Variants in ATF6B observed in about 807,000 individuals in gnomAD.
The protein encoded by ATF6B is activating transcription factor 6 beta.
Under a neutral mutation model 83.5 loss-of-function variants are expected in ATF6B, and 50 were observed. That is an observed-to-expected ratio of 0.60 (90% CI 0.48 to 0.76). ATF6B has a LOEUF of 0.76. ATF6B is among the 30% of genes least tolerant of loss of function. The pLI is 0.00. For synonymous variants in ATF6B, 344 were observed against 362.8 expected, an observed-to-expected ratio of 0.95 and a Z score of 0.59; for missense variants, 790 against 893.8, an observed-to-expected ratio of 0.88 and a Z score of 1.48.
intron 5 of ATF6B, among the ~76,000 whole-genome samples, chr6:32,122,240 T>C (rs1051906718): frequency 6.6e-6 from 1 of 152,072 alleles, no homozygotes; most frequent in Admixed American, 6.6e-5. Context: ...GTCACACAAG[T>C]TTTCCTCCCA....
In ATF6B at chr6:32,127,844, G is replaced by A. The variant is rs561552798; in HGVS notation, c.92-94C>T. 8.4e-4 allele frequency: 1,166 copies of A among 1,383,740 alleles called. 31 individuals carry two copies. In the Admixed American group the frequency reaches 0.019, roughly 23 times the overall value. 85.7% of individuals were successfully genotyped at this position (1,383,740 alleles called of 1,614,324 possible). On this transcript the variant is annotated intron_variant, in intron 1 of 17. Transcript: ENST00000375203. ...GCCCCATCCCTCATTGGCTCCGCTC[G>A]GCCAGACCCACCGCCCGCCCACTTG...
chr6:32,126,589 T>A (rs1383928776), intron 4 of ATF6B, among the ~76,000 whole-genome samples: 8 of 152,194 alleles, frequency 5.3e-5, no homozygotes, highest in Non-Finnish European at 1.0e-4. Context: ...TCAGGCGTGG[T>A]GGCTTATACC....
At chr6:32,127,064 T>C in intron 4 of ATF6B, 39 bp downstream of exon 4, 2 of 1,457,662 alleles carry the variant, frequency 1.4e-6, no homozygotes, top group South Asian at 2.6e-5. Context: ...TGAAGCAGAG[T>C]CCCCGTCACA....
Position 32,127,138 on chromosome 6 carries a change from CGGAGCTGAGGGA to C in ATF6B, c.295_306del (p.Ser99_Ser102del). ...GGCTCTGTGGAGAGACGCGATGACT[CGGAGCTGAGGGA>C]GGAGGAAGAGCAGGGGGAAGATGGC... On this transcript the variant is annotated inframe_deletion, in exon 4 of 18. Transcript: ENST00000375203. 6.2e-7 allele frequency: 1 copy of C among 1,610,804 alleles called. No individual in the cohort carries two copies. Among genetic ancestry groups the C allele is most frequent in the Non-Finnish European group, 8.5e-7 (1 of 1,178,944 alleles).
chr6:32,122,551 T>C (rs1038314039), intron 5 of ATF6B, among the ~76,000 whole-genome samples: 1 of 151,142 alleles, frequency 6.6e-6, no homozygotes, highest in Non-Finnish European at 1.5e-5. Flanking sequence ...GAAAATTAAG[T>C]CAAAAAAAAA....
rs1321944080 is a variant in ATF6B at position 32,125,760 on chromosome 6, C to G, written c.478+357G>C. On this transcript the variant is annotated intron_variant, in intron 5 of 17. Transcript: ENST00000375203. This position sits in a 1 kb window ranked among gnomAD's most constrained non-coding sequence, Gnocchi z 4.1. ...CGAGCGACAGTGTGAGACTCTGTCT[C>G]AACAACAACAAAAATGTTTATAATA... is the stretch of plus-strand genomic sequence containing the variant. Among the ~76,000 whole-genome samples, 1 of 151,982 alleles carries G rather than the reference C, an allele frequency of 6.6e-6. No homozygotes were observed.
chr6:32,127,771 CG>C, intron 1 of ATF6B, 21 bp from the exon 2 acceptor site: 1 of 1,613,314 alleles, frequency 6.2e-7, no homozygotes, highest in South Asian at 1.1e-5. Flanking sequence ...TGCTGAGCGT[CG>C]GGGGGTCGTT....
At chr6:32,121,464 A>G (rs377128358) in intron 5 of ATF6B, 116 bp from the exon 6 acceptor site, 7 of 1,011,046 alleles carry the variant, frequency 6.9e-6, no homozygotes, top group East Asian at 2.6e-5. Flanking sequence ...GCACTTTGGG[A>G]GGCCAAGGCG....
In ATF6B at chr6:32,118,983, C is replaced by A; in HGVS notation, c.1125G>T (p.Arg375=). The A allele has an allele frequency of 6.2e-7, 1 of 1,614,076 alleles. No individual in the cohort carries two copies. Among genetic ancestry groups the A allele is most frequent in the Non-Finnish European group, 8.5e-7 (1 of 1,179,920 alleles). ...CAGCCAGCAGGGCCTCCAGCCGCCG[C>A]CGGAGGGCAGCATTCTCTCGGCGGA... ...QQLRRENAAL[R]RRLEALLAEN... is the part of the protein sequence containing the mutation. Residue 375 remains arginine (R), a synonymous_variant, in exon 10 of 18, where the codon CGG becomes CGT. Coordinates refer to ENST00000375203, the MANE Select transcript of ATF6B (RefSeq NM_004381.5). The surrounding 1 kb of genome is among the most constrained non-coding windows in gnomAD (Gnocchi z 5.2).
In ATF6B at chr6:32,117,566, C is replaced by T; in HGVS notation, c.1532+21G>A. 1.2e-6 allele frequency: 2 copies of T among 1,610,888 alleles called. No individual in the cohort carries two copies. Among genetic ancestry groups the T allele is most frequent in the East Asian group, 2.2e-5 (1 of 44,802 alleles). On this transcript the variant is annotated intron_variant, in intron 13 of 17. Coordinates refer to ENST00000375203, the MANE Select transcript of ATF6B (RefSeq NM_004381.5). This position sits in a 1 kb window ranked among gnomAD's most constrained non-coding sequence, Gnocchi z 5.0. ...CTTGGGAGGCCGGGGGAGCTGGATG[C>T]CCCAGCAATGAATCCCACACCTCAG...
chr6:32,120,029 C>T, intron 8 of ATF6B, 72 bp from the exon 9 acceptor site: 1 of 1,532,878 alleles, frequency 6.5e-7, no homozygotes, highest in Non-Finnish European at 8.8e-7. Flanking sequence ...CACACAAGAG[C>T]ACCCAAGGAT....
Position 32,118,637 on chromosome 6 carries a change from A to T in ATF6B, c.1244+138T>A. 1.5e-5 allele frequency: 12 copies of T among 810,030 alleles called. No individual in the cohort carries two copies. In the South Asian group the frequency reaches 1.8e-4, roughly 12 times the overall value. 50.2% of individuals were successfully genotyped at this position (810,030 alleles called of 1,614,324 possible). A position where few individuals can be genotyped will look rare whatever the true frequency, so the allele number is the denominator to read the frequency against. On this transcript the variant is annotated intron_variant, in intron 11 of 17. Coordinates refer to ENST00000375203, the MANE Select transcript of ATF6B (RefSeq NM_004381.5). This position sits in a 1 kb window ranked among gnomAD's most constrained non-coding sequence, Gnocchi z 5.2. ...ATAATGGAGCAGGAAGGGGCTGGCC[A>T]GACACATCATCGGTGCCAAGGACAC... is the stretch of plus-strand genomic sequence containing the variant.
At position 32,115,934 on chromosome 6, in the gene ATF6B, A is replaced by T. The variant is rs1293571926; in HGVS notation, c.1917T>A (p.Tyr639Ter). 3 of 1,613,912 alleles carry T rather than the reference A, an allele frequency of 1.9e-6. No homozygotes were observed. The highest frequency in any genetic ancestry group is 1.3e-5 in the African/African-American group (1 of 74,938). ...CACACTCGATCTGCATCATCTCCTC[A>T]TAGTCCCCCGGGGCCCCACGGCCTG... The part of the protein sequence containing the change: ...TLSGRGAPGD[Y>*]EEMMQIECEV... The change falls in exon 18 of 18, where the codon TAT becomes TAA. Residue 639 changes from tyrosine to a stop codon, truncating the protein, a stop_gained. Transcript: ENST00000375203. LOFTEE classifies it high-confidence loss of function.
Position 32,117,198 on chromosome 6 carries a change from C to G in ATF6B, c.1615-91G>C. On this transcript the variant is annotated intron_variant, in intron 14 of 17. Coordinates refer to ENST00000375203, the MANE Select transcript of ATF6B (RefSeq NM_004381.5). This position sits in a 1 kb window ranked among gnomAD's most constrained non-coding sequence, Gnocchi z 5.0. ...CTGGAAGCTGATGCCACCTCCCACT[C>G]AACCCTCCACTTCCTTCAAACGATC... 6.5e-7 allele frequency: 1 copy of G among 1,535,484 alleles called. No homozygotes were observed. The highest frequency in any genetic ancestry group is 8.9e-7 in the Non-Finnish European group (1 of 1,121,254).
At chr6:32,124,813 T>C (rs542127155) in intron 5 of ATF6B, among the ~76,000 whole-genome samples, 1 of 152,198 alleles carries the variant, frequency 6.6e-6, no homozygotes, top group Admixed American at 6.5e-5. Flanking sequence ...GTGGATGAAA[T>C]GTCCCCTCTT....
rs1781626430 is a variant in ATF6B, at chr6:32,118,621, C to T, written c.1244+154G>A. On this transcript the variant is annotated intron_variant, in intron 11 of 17. Coordinates refer to ENST00000375203, the MANE Select transcript of ATF6B (RefSeq NM_004381.5). The surrounding 1 kb of genome is among the most constrained non-coding windows in gnomAD (Gnocchi z 5.2). ...CAAGAAAAAAAGACAAATAATGGAG[C>T]AGGAAGGGGCTGGCCAGACACATCA... is the stretch of plus-strand genomic sequence containing the variant. 6.6e-6 allele frequency among the ~76,000 whole-genome samples: 1 copy of T among 152,140 alleles called. No homozygotes were observed. The highest frequency in any genetic ancestry group is 2.4e-5 in the African/African-American group (1 of 41,438).
chr6:32,126,743 C>T (rs1464282002), intron 4 of ATF6B, among the ~76,000 whole-genome samples: 5 of 151,912 alleles, frequency 3.3e-5, no homozygotes, highest in Non-Finnish European at 7.4e-5. Flanking sequence ...GTCTGTGGTC[C>T]CAACTACTCA....
chr6:32,117,004 A>G lies in ATF6B; in HGVS notation c.1685+33T>C. Reference sequence around the variant, plus strand: ...GTACAGCTCTTGAAAGTGGAATTTCACTTAATAAGTAAGCACCCCACCCCA... The same window carrying G: ...GTACAGCTCTTGAAAGTGGAATTTCGCTTAATAAGTAAGCACCCCACCCCA... On this transcript the variant is annotated intron_variant, in intron 15 of 17. Transcript: ENST00000375203. This position sits in a 1 kb window ranked among gnomAD's most constrained non-coding sequence, Gnocchi z 5.0. 6.2e-7 allele frequency: 1 copy of G among 1,606,024 alleles called. No individual in the cohort carries two copies. Among genetic ancestry groups the G allele is most frequent in the Non-Finnish European group, 8.5e-7 (1 of 1,173,400 alleles).
rs1008400086 is a variant in ATF6B, at chr6:32,116,976, G to T, written c.1685+61C>A. On this transcript the variant is annotated intron_variant, in intron 15 of 17. Coordinates refer to ENST00000375203, the MANE Select transcript of ATF6B (RefSeq NM_004381.5). This position sits in a 1 kb window ranked among gnomAD's most constrained non-coding sequence, Gnocchi z 5.1. ...AATGACAGGCACAGGACAGCTACTG[G>T]GGGTACAGCTCTTGAAAGTGGAATT... The T allele has an allele frequency of 2.5e-6, 4 of 1,573,696 alleles. No individual in the cohort carries two copies. In the African/African-American group the frequency reaches 5.4e-5, roughly 21 times the overall value.
Sources: allele counts gnomAD v4.1 joint callset (sites outside exome capture counted in the v4.1 genomes callset), GRCh38; gene constraint gnomAD v4.1.1; non-coding constraint Gnocchi (gnomAD v3.1); transcripts MANE v1.5; gene names NCBI Gene and HGNC (gene_info 2026-07-23, HGNC 2026-07-21).